The following CCNY variants were observed in gnomAD, a reference collection of about 807,000 sequenced individuals.
The protein encoded by CCNY is cyclin-Y.
Under a neutral mutation model 42.8 loss-of-function variants are expected in CCNY, and 19 were observed. The ratio of observed to expected loss-of-function variants is 0.44; its 90% CI spans 0.31 to 0.65. The LOEUF (loss-of-function observed/expected upper bound fraction) is 0.65, where lower values mean the gene tolerates loss of function less well. Among genes scored for constraint, CCNY ranks in the 30% least tolerant of loss-of-function variants. CCNY has a pLI of 0.07. For synonymous variants in CCNY, 165 were observed against 162.7 expected, an observed-to-expected ratio of 1.01 and a Z score of -0.11; for missense variants, 370 against 437.3, an observed-to-expected ratio of 0.85 and a Z score of 1.37.
chr10:35,414,103 A>T (rs937145338), intron 1 of CCNY, among the ~76,000 whole-genome samples: 8 of 152,332 alleles, frequency 5.3e-5, no homozygotes, highest in Middle Eastern at 3.4e-3. Context: ...GCTGTGTAAC[A>T]AGTTACCAGA....
intron 3 of CCNY, among the ~76,000 whole-genome samples, chr10:35,253,881 T>TC (rs1156838544): frequency 6.6e-6 from 1 of 150,456 alleles, no homozygotes; most frequent in East Asian, 1.9e-4. Flanking sequence ...ACTGTTTTTT[T>TC]TTTTTTTTTT....
chr10:35,560,017 G>A (rs1383353257), intron 8 of CCNY, among the ~76,000 whole-genome samples: 4 of 151,710 alleles, frequency 2.6e-5, no homozygotes, highest in Non-Finnish European at 5.9e-5. Flanking sequence ...GAAAGGGGAT[G>A]CCTGTCCTAT....
At chr10:35,366,838 A>G (rs1221096734) in intron 1 of CCNY, among the ~76,000 whole-genome samples, 1 of 152,232 alleles carries the variant, frequency 6.6e-6, no homozygotes, top group Non-Finnish European at 1.5e-5. Context: ...TGAATTTTAA[A>G]TCTTACTTAA....
chr10:35,516,344 G>A (rs898128205), intron 3 of CCNY, among the ~76,000 whole-genome samples, 179 bp from the exon 4 acceptor site: 6 of 152,114 alleles, frequency 3.9e-5, no homozygotes, highest in African/African-American at 1.4e-4. Context: ...ATATGGAAGA[G>A]CAAGGAAGTT....
chr10:35,296,940 C>G (rs1835477733), intron 3 of CCNY, among the ~76,000 whole-genome samples: 1 of 152,076 alleles, frequency 6.6e-6, no homozygotes, highest in African/African-American at 2.4e-5. Flanking sequence ...GGTCTCCTCT[C>G]CAACTCATTT....
At chr10:35,449,878 C>G (rs528910486) in intron 1 of CCNY, 1 of 823,362 alleles carries the variant, frequency 1.2e-6, no homozygotes, top group African/African-American at 1.8e-5. Flanking sequence ...TCCAATGATG[C>G]TATCTCGCAC....
intron 2 of CCNY, among the ~76,000 whole-genome samples, chr10:35,485,445 G>A (rs1291265874): frequency 6.6e-6 from 1 of 152,238 alleles, no homozygotes; most frequent in African/African-American, 2.4e-5. Flanking sequence ...GTAGATTTGG[G>A]CTGGGCGCGG....
intron 3 of CCNY, among the ~76,000 whole-genome samples, chr10:35,257,413 G>C (rs376852146): frequency 8.6e-5 from 13 of 151,484 alleles, no homozygotes; most frequent in Middle Eastern, 3.4e-3. Context: ...GAGCAACCAG[G>C]ATTGCAGGCA....
At chr10:35,568,860 T>G (rs1027635596) in intron 9 of CCNY, among the ~76,000 whole-genome samples, 194 bp from the exon 10 acceptor site, 3 of 152,244 alleles carry the variant, frequency 2.0e-5, no homozygotes, top group Non-Finnish European at 4.4e-5. Flanking sequence ...CTGTAAGCTC[T>G]TGGGAAACAA....
In CCNY at chr10:35,397,900, G is replaced by T. The variant is rs114845281; in HGVS notation, c.154+60693G>T. On this transcript the variant is annotated intron_variant, in intron 1 of 9. Coordinates refer to ENST00000374704, the MANE Select transcript of CCNY (RefSeq NM_145012.6). ...TTGCCAGTTGCTAACCTTGAGTGAG[G>T]ATTCCCAGAGGAGTGCTGGTGCAAT... Among the ~76,000 whole-genome samples the T allele has an allele frequency of 7.0e-3, 1,067 of 152,264 alleles. 11 individuals are homozygous for T. Among genetic ancestry groups the T allele is most frequent in the African/African-American group, 0.024 (1,017 of 41,516 alleles).
intron 8 of CCNY, among the ~76,000 whole-genome samples, chr10:35,558,991 G>T (rs1158929794): frequency 6.6e-6 from 1 of 152,196 alleles, no homozygotes; most frequent in Non-Finnish European, 1.5e-5. Flanking sequence ...GGCAGGAGGA[G>T]TTTTGAGGTG....
intron 1 of CCNY, among the ~76,000 whole-genome samples, chr10:35,430,487 G>A (rs549890257): frequency 2.2e-4 from 33 of 152,006 alleles, no homozygotes; most frequent in African/African-American, 5.1e-4. Context: ...TGTGATCATC[G>A]TGTGACTGAA....
chr10:35,503,350 G>A (rs1246755746), intron 3 of CCNY, among the ~76,000 whole-genome samples: 1 of 152,128 alleles, frequency 6.6e-6, no homozygotes, highest in African/African-American at 2.4e-5. Flanking sequence ...AAGAAATCTG[G>A]GTGCTAAGTT....
chr10:35,248,465 G>A (rs958914697), intron 2 of CCNY, among the ~76,000 whole-genome samples: 15 of 151,766 alleles, frequency 9.9e-5, no homozygotes, highest in South Asian at 4.2e-4. Flanking sequence ...CTAACACAGC[G>A]AAACCCCATC....
At position 35,475,537 on chromosome 10, in the gene CCNY, T is replaced by G. The variant is rs569320914; in HGVS notation, c.155-7867T>G. On this transcript the variant is annotated intron_variant, in intron 1 of 9. Transcript: ENST00000374704. ...CCCAGAATTTCATATCCAGCCAAAG[T>G]AAGCTTCATAAGTGAAGGAGAAATA... is the stretch of plus-strand genomic sequence containing the variant. 6.4e-3 allele frequency among the ~76,000 whole-genome samples: 963 copies of G among 151,546 alleles called. 9 individuals carry two copies. Among genetic ancestry groups the G allele is most frequent in the African/African-American group, 0.022 (918 of 41,022 alleles).
chr10:35,370,245 G>A (rs1200605285), intron 1 of CCNY, among the ~76,000 whole-genome samples: 3 of 151,324 alleles, frequency 2.0e-5, no homozygotes, highest in South Asian at 2.1e-4. Flanking sequence ...TCCGCTTCCC[G>A]GGTTCACTCC....
intron 3 of CCNY, among the ~76,000 whole-genome samples, chr10:35,271,477 G>C (rs1480236436): frequency 6.6e-6 from 1 of 152,150 alleles, no homozygotes; most frequent in Non-Finnish European, 1.5e-5. Context: ...CAGGGGGAAG[G>C]GAAAGTCTCC....
exon 1 of CCNY, chr10:35,247,043 G>C (rs936209380): frequency 6.5e-6 from 1 of 152,972 alleles, no homozygotes; most frequent in Admixed American, 6.5e-5. Context: ...TGTGAGCCTC[G>C]TACCAGGAAG....
intron 1 of CCNY, among the ~76,000 whole-genome samples, chr10:35,377,023 A>G (rs1230556938): frequency 6.6e-6 from 1 of 152,238 alleles, no homozygotes; most frequent in African/African-American, 2.4e-5. Flanking sequence ...TGAATTGTAC[A>G]GTTAGGCACC....
Sources: gnomAD v4.1 joint callset for allele counts (sites outside exome capture counted in the v4.1 genomes callset) on GRCh38, gnomAD v4.1.1 for gene constraint, MANE v1.5 for transcripts, NCBI Gene and HGNC (gene_info 2026-07-23, HGNC 2026-07-21) for gene names.